The following KLF7 variants were observed in gnomAD, a reference collection of about 807,000 sequenced individuals.
KLF7 encodes KLF transcription factor 7, also known as Krueppel-like factor 7.
A neutral mutation model predicts 27.3 loss-of-function variants in KLF7; 2 were observed. The observed-to-expected ratio is 0.07, with a 90% CI of 0.03 to 0.23. The LOEUF (loss-of-function observed/expected upper bound fraction) is 0.23. KLF7 is among the 10% of genes least tolerant of loss of function. KLF7 has a pLI of 1.00. For synonymous variants in KLF7, 165 were observed against 162.4 expected (o/e 1.02, Z -0.12); for missense variants, 221 against 394.1 (o/e 0.56, Z 3.72).
At chr2:207,134,252 C>T in intron 1 of KLF7, 1 of 742,402 alleles carries the variant, frequency 1.3e-6, no homozygotes, top group South Asian at 2.1e-5. Context: ...ATATACCCTT[C>T]CCCTACCCCC....
At chr2:207,084,878 C>G (rs978438709) in intron 3 of KLF7, among the ~76,000 whole-genome samples, 40 of 152,170 alleles carry the variant, frequency 2.6e-4, no homozygotes, top group Non-Finnish European at 2.8e-4. Context: ...AAAAGGCACA[C>G]TAGGCCAGGC....
chr2:207,140,131 C>T (rs1183443150), intron 1 of KLF7, among the ~76,000 whole-genome samples: 2 of 152,144 alleles, frequency 1.3e-5, no homozygotes, highest in Non-Finnish European at 2.9e-5. Context: ...TCGTGGTCCG[C>T]CCACCTCGGC....
upstream of KLF7, among the ~76,000 whole-genome samples, chr2:207,169,107 A>G (rs2078767632): frequency 1.3e-5 from 2 of 152,214 alleles, no homozygotes; most frequent in Non-Finnish European, 2.9e-5. Flanking sequence ...GTAAGTGGGT[A>G]AAAGCAGATT....
chr2:207,089,828 AC>A (rs2105875512), intron 2 of KLF7, among the ~76,000 whole-genome samples: 1 of 152,340 alleles, frequency 6.6e-6, no homozygotes, highest in South Asian at 2.1e-4. Flanking sequence ...GAGTCACATA[AC>A]TAATAAACAT....
chr2:207,109,190 T>C (rs1424813499), intron 2 of KLF7, among the ~76,000 whole-genome samples: 1 of 152,200 alleles, frequency 6.6e-6, no homozygotes, highest in Non-Finnish European at 1.5e-5. Context: ...TTTCTTAAAA[T>C]AGGGGAAAAC....
upstream of KLF7, among the ~76,000 whole-genome samples, chr2:207,167,558 A>G (rs1298781064): frequency 3.3e-5 from 5 of 152,252 alleles, no homozygotes; most frequent in African/African-American, 7.2e-5. Context: ...AGGAATATTA[A>G]ACATGAATTA....
At chr2:207,152,260 A>G (rs1337152213) in intron 1 of KLF7, among the ~76,000 whole-genome samples, 1 of 143,694 alleles carries the variant, frequency 7.0e-6, no homozygotes, top group Non-Finnish European at 1.5e-5. Flanking sequence ...AGAACTGGTT[A>G]CATGTTTTTC....
At chr2:207,172,400 T>A in the KLF7 span, among the ~76,000 whole-genome samples, 8 of 152,298 alleles carry the variant, frequency 5.3e-5, no homozygotes, top group African/African-American at 1.7e-4. Context: ...AATACAGTTT[T>A]CCCTGGGTCT....
upstream of KLF7, among the ~76,000 whole-genome samples, chr2:207,168,432 A>G: frequency 6.6e-6 from 1 of 152,310 alleles, no homozygotes; most frequent in Non-Finnish European, 1.5e-5. Context: ...ATACTAAGTA[A>G]GTTGGTCAAG....
At chr2:207,089,915 T>G (rs1263619) in intron 2 of KLF7, among the ~76,000 whole-genome samples, 103,063 of 152,030 alleles carry the variant, frequency 0.68, 35,565 homozygotes, top group African/African-American at 0.79. Flanking sequence ...TCCCCAGTTT[T>G]AAAAGCTAAA....
rs773408373 is a variant in KLF7, at chr2:207,123,988, G to A, written c.519C>T (p.Leu173=). 6.8e-6 allele frequency: 11 copies of A among 1,614,086 alleles called. No individual in the cohort carries two copies. The highest frequency in any genetic ancestry group is 1.6e-4 in the Middle Eastern group (1 of 6,082). Residue 173 remains leucine, a synonymous_variant, in exon 2 of 4, where the codon CTC becomes CTT. Transcript: ENST00000309446. ...CGACCCCTCCCACCTTTACGGAGCTGAGAGCAGCCTTCTTGGCCACCAGTT... is the reference window on the plus strand; with the variant it reads ...CGACCCCTCCCACCTTTACGGAGCTAAGAGCAGCCTTCTTGGCCACCAGTT... ...TLKLVAKKAA[L]SSVKVGGVAT...
intron 1 of KLF7, among the ~76,000 whole-genome samples, chr2:207,142,795 T>C (rs2077980208): frequency 6.6e-6 from 1 of 152,220 alleles, no homozygotes; most frequent in Non-Finnish European, 1.5e-5. Flanking sequence ...ATGAATGGGG[T>C]ACACATTACG....
intron 2 of KLF7, among the ~76,000 whole-genome samples, chr2:207,112,928 T>C (rs1162031090): frequency 6.6e-6 from 1 of 152,250 alleles, no homozygotes; most frequent in Non-Finnish European, 1.5e-5. Flanking sequence ...TATGTCCCAG[T>C]GAAAAGCACC....
rs182329784 is a variant in KLF7, at chr2:207,129,612, C to G, written c.103-5208G>C. Among the ~76,000 whole-genome samples, 255 of 152,300 alleles carry G rather than the reference C, an allele frequency of 1.7e-3. 2 individuals are homozygous for G. Among genetic ancestry groups the G allele is most frequent in the Non-Finnish European group, 1.7e-3 (116 of 68,034 alleles). On this transcript the variant is annotated intron_variant, in intron 1 of 3. Coordinates refer to ENST00000309446, the MANE Select transcript of KLF7 (RefSeq NM_003709.4). ...CTCTCTTCATGCTTTTCATAGCATT[C>G]TCACTTGTTGCAACACACTTATTAA...
At chr2:207,158,412 T>C (rs969855751) in intron 1 of KLF7, among the ~76,000 whole-genome samples, 2 of 152,212 alleles carry the variant, frequency 1.3e-5, no homozygotes, top group African/African-American at 4.8e-5. Context: ...TAAAAACATT[T>C]AAAAAGATTT....
At chr2:207,158,858 C>A (rs542568336) in intron 1 of KLF7, among the ~76,000 whole-genome samples, 1 of 152,204 alleles carries the variant, frequency 6.6e-6, no homozygotes, top group Admixed American at 6.5e-5. Context: ...AGAAAAGAAT[C>A]AGAAGTGAGT....
chr2:207,160,060 T>C (rs1435148485), intron 1 of KLF7, among the ~76,000 whole-genome samples: 1 of 152,242 alleles, frequency 6.6e-6, no homozygotes, highest in East Asian at 1.9e-4. Flanking sequence ...ATGTATATTC[T>C]ACAATGAGTA....
At chr2:207,162,263 T>C (rs2106146288) in intron 1 of KLF7, among the ~76,000 whole-genome samples, 2 of 152,340 alleles carry the variant, frequency 1.3e-5, no homozygotes, top group Non-Finnish European at 2.9e-5. Context: ...GAAACTCTGG[T>C]TTCTGTCCTA....
chr2:207,120,057 C>T (rs1053420882), intron 2 of KLF7, among the ~76,000 whole-genome samples: 19 of 152,180 alleles, frequency 1.2e-4, no homozygotes, highest in African/African-American at 3.9e-4. Flanking sequence ...TTCCCTTTGT[C>T]CCATTCCTCG....
Sources: gnomAD v4.1 joint callset for allele counts (sites outside exome capture counted in the v4.1 genomes callset) on GRCh38, gnomAD v4.1.1 for gene constraint, MANE v1.5 for transcripts, NCBI Gene and HGNC (gene_info 2026-07-23, HGNC 2026-07-21) for gene names.